Variants in SYNE1 observed in about 807,000 individuals in gnomAD.
SYNE1 encodes the protein spectrin repeat containing nuclear envelope protein 1.
Under a neutral mutation model 1,111.0 loss-of-function variants are expected in SYNE1, and 616 were observed. The ratio of observed to expected loss-of-function variants is 0.55; its 90% confidence interval spans 0.52 to 0.59. The LOEUF is 0.59. Ranked by LOEUF, SYNE1 falls within the 20% of genes least tolerant of loss-of-function variation. The probability of loss-of-function intolerance (pLI) is 0.00; values close to 1 mark genes in which losing one functional copy is unlikely to be tolerated. For missense variants in SYNE1, 10,006 were observed against 10,417.0 expected (o/e 0.96, Z 1.72); for synonymous variants, 3,855 against 3,825.8 (o/e 1.01, Z -0.28).
chr6:152,545,637 T>C (rs555123997), intron 3 of SYNE1, among the ~76,000 whole-genome samples: 2 of 152,240 alleles, frequency 1.3e-5, no homozygotes, highest in Admixed American at 6.5e-5. Context: ...CATAATTATA[T>C]ATAGGTAAGC....
intron 3 of SYNE1, among the ~76,000 whole-genome samples, chr6:152,583,445 G>A (rs545726993): frequency 6.6e-6 from 1 of 152,252 alleles, no homozygotes; most frequent in East Asian, 1.9e-4. Context: ...TAAAAATAGT[G>A]TCACCAGCTT....
intron 4 of SYNE1, among the ~76,000 whole-genome samples, chr6:152,536,341 A>T (rs1022470461): frequency 5.8e-5 from 8 of 136,898 alleles, no homozygotes; most frequent in Admixed American, 1.6e-4. Flanking sequence ...ATATATATAT[A>T]TAACTATATA....
At chr6:152,186,119 T>C (rs2069802967) in intron 128 of SYNE1, among the ~76,000 whole-genome samples, 1 of 151,744 alleles carries the variant, frequency 6.6e-6, no homozygotes, top group Non-Finnish European at 1.5e-5. Flanking sequence ...TCACAAACAT[T>C]GAAAAGAATA....
chr6:152,342,573 A>G (rs2096554759), intron 74 of SYNE1, among the ~76,000 whole-genome samples: 1 of 152,362 alleles, frequency 6.6e-6, no homozygotes, highest in African/African-American at 2.4e-5. Flanking sequence ...AACTAGACAC[A>G]TTCTTTATGT....
chr6:152,380,632 T>C (rs2097394393), intron 56 of SYNE1: 2 of 298,974 alleles, frequency 6.7e-6, no homozygotes, highest in African/African-American at 2.2e-5. Context: ...CATTTAGTTG[T>C]ATGAAATAGT....
At chr6:152,363,266 G>T (rs1382372786) in intron 63 of SYNE1, among the ~76,000 whole-genome samples, 1 of 148,448 alleles carries the variant, frequency 6.7e-6, no homozygotes, top group Non-Finnish European at 1.5e-5. Context: ...AGGCCAAGGC[G>T]GGTGGATCAC....
In SYNE1 at chr6:152,233,775, C is replaced by G; in HGVS notation, c.20712+6G>C. The G allele has an allele frequency of 2.5e-6, 4 of 1,614,208 alleles. No homozygotes were observed. Among genetic ancestry groups the G allele is most frequent in the Non-Finnish European group, 3.4e-6 (4 of 1,180,030 alleles). ...CTATTTCCCACGAAAGCAATCCTTT[C>G]TGTACCTGGTGGAGCTTCTCCTGGA... On this transcript the variant is annotated splice_donor_region_variant and intron_variant, in intron 112 of 145. Coordinates refer to ENST00000367255, the MANE Select transcript of SYNE1 (RefSeq NM_182961.4).
At chr6:152,184,161 C>G (rs189728392) in intron 128 of SYNE1, among the ~76,000 whole-genome samples, 1 of 152,252 alleles carries the variant, frequency 6.6e-6, no homozygotes, top group East Asian at 1.9e-4. Flanking sequence ...TATGGCCAGG[C>G]GCACTGGCTC....
At chr6:152,605,919 C>A (rs1308768980) in intron 3 of SYNE1, among the ~76,000 whole-genome samples, 2 of 152,054 alleles carry the variant, frequency 1.3e-5, no homozygotes, top group African/African-American at 4.8e-5. Flanking sequence ...GTAGTTCATA[C>A]CTTCCCAAAG....
At chr6:152,287,986 C>T (rs774903818) in intron 95 of SYNE1, among the ~76,000 whole-genome samples, 1 of 152,210 alleles carries the variant, frequency 6.6e-6, no homozygotes, top group African/African-American at 2.4e-5. Flanking sequence ...AAGTATTATA[C>T]ATTCAAAAAC....
intron 11 of SYNE1, among the ~76,000 whole-genome samples, chr6:152,491,044 T>C (rs1273767026): frequency 2.0e-5 from 3 of 152,182 alleles, no homozygotes; most frequent in Admixed American, 2.0e-4. Context: ...GGGAAGACAG[T>C]CTTCCCTTGG....
chr6:152,326,661 C>A, intron 78 of SYNE1, 28 bp from the exon 79 acceptor site: 1 of 1,598,540 alleles, frequency 6.3e-7, no homozygotes, highest in Non-Finnish European at 8.5e-7. Flanking sequence ...CAAACATAAT[C>A]AACTCTCCTT....
At chr6:152,514,311 A>C (rs550528140) in intron 6 of SYNE1, among the ~76,000 whole-genome samples, 47 of 152,354 alleles carry the variant, frequency 3.1e-4, no homozygotes, top group African/African-American at 1.1e-3. Context: ...AAAAAGGATG[A>C]GTTCATGTTC....
chr6:152,497,367 G>A (rs993703800), intron 11 of SYNE1, among the ~76,000 whole-genome samples: 5 of 152,112 alleles, frequency 3.3e-5, no homozygotes, highest in East Asian at 1.9e-4. Flanking sequence ...TATAATTAAG[G>A]TACATGTTTT....
At chr6:152,149,785 T>A in intron 135 of SYNE1, 117 bp from the exon 136 acceptor site, 1 of 862,142 alleles carries the variant, frequency 1.2e-6, no homozygotes, top group Non-Finnish European at 1.9e-6. Context: ...GCTATTTAAT[T>A]GACCATATAC....
At chr6:152,311,321 T>C (rs2095539420) in intron 87 of SYNE1, among the ~76,000 whole-genome samples, 2 of 152,078 alleles carry the variant, frequency 1.3e-5, no homozygotes. Flanking sequence ...GAAATGAAAA[T>C]AAGAACAAGA....
chr6:152,428,207 C>T lies in SYNE1; in HGVS notation c.4974G>A (p.Gln1658=). ...ACTCAAGGAAAAGTGCTGCTCACCT[C>T]TGCCAGTGGGCCAGCAGATTCTCCA... ...TALENLLAHW[Q]RLEKELSSFL... Residue 1658 remains glutamine, a splice_region_variant and synonymous_variant, in exon 37 of 146, where the codon CAG becomes CAA. Coordinates refer to ENST00000367255, the MANE Select transcript of SYNE1 (RefSeq NM_182961.4). The T allele has an allele frequency of 6.2e-7, 1 of 1,613,366 alleles. No homozygotes were observed. Among genetic ancestry groups the T allele is most frequent in the Non-Finnish European group, 8.5e-7 (1 of 1,180,022 alleles).
chr6:152,265,265 G>A (rs1193100312), intron 100 of SYNE1, among the ~76,000 whole-genome samples: 3 of 148,898 alleles, frequency 2.0e-5, no homozygotes, highest in Non-Finnish European at 3.0e-5. Flanking sequence ...TGGCAATAGT[G>A]CAAATATCCA....
intron 115 of SYNE1, among the ~76,000 whole-genome samples, chr6:152,229,093 A>G (rs1200028472): frequency 1.3e-5 from 2 of 152,170 alleles, no homozygotes; most frequent in Non-Finnish European, 2.9e-5. Context: ...CTCTCTTTAT[A>G]TGTGTCCCAA....
Sources: allele counts gnomAD v4.1 joint callset (sites outside exome capture counted in the v4.1 genomes callset), GRCh38; gene constraint gnomAD v4.1.1; transcripts MANE v1.5; gene names NCBI Gene and HGNC (gene_info 2026-07-23, HGNC 2026-07-21).